Variants in ANGPT2 observed in about 807,000 individuals in gnomAD.
ANGPT2 encodes angiopoietin 2, also known as angiopoietin-2.
A neutral mutation model predicts 62.9 loss-of-function variants in ANGPT2; 28 were observed. The observed-to-expected ratio is 0.44, with a 90% CI of 0.33 to 0.61. The LOEUF is 0.61. Ranked by LOEUF, ANGPT2 falls within the 20% of genes least tolerant of loss-of-function variation. ANGPT2 has a pLI of 0.03. For synonymous variants in ANGPT2, 284 were observed against 207.8 expected (o/e 1.37, Z -3.15); for missense variants, 727 against 594.9 (o/e 1.22, Z -2.31).
intron 1 of ANGPT2, among the ~76,000 whole-genome samples, chr8:6,558,358 C>A (rs1824985977): frequency 6.6e-6 from 1 of 152,112 alleles, no homozygotes; most frequent in Non-Finnish European, 1.5e-5. Context: ...ACTTTCATAA[C>A]ATTTTTGTTT....
In ANGPT2 at chr8:6,562,685, C is replaced by G. The variant is rs1825742811; in HGVS notation, c.250G>C (p.Glu84Gln). 1.2e-6 allele frequency: 2 copies of G among 1,601,630 alleles called. No homozygotes were observed. The highest frequency in any genetic ancestry group is 1.1e-5 in the South Asian group (1 of 90,740). The change falls in exon 1 of 9, where the codon GAG (glutamate) becomes CAG (glutamine). Residue 84 changes from glutamate (E) to glutamine (Q), a missense_variant. Transcript: ENST00000629816. ...TGAGTGTTGTTTTCCATGATGTTCT[C>G]CAGCACTTGCAGCCTCTGCACCGAG... is the stretch of plus-strand genomic sequence containing the variant. ...DDSVQRLQVL[E>Q]NIMENNTQWL...
chr8:6,562,211 G>C (rs1825642526), intron 1 of ANGPT2, among the ~76,000 whole-genome samples: 1 of 152,140 alleles, frequency 6.6e-6, no homozygotes, highest in South Asian at 2.1e-4. Context: ...CATCAGCATG[G>C]TTGTCACGGT....
intron 2 of ANGPT2, among the ~76,000 whole-genome samples, chr8:6,531,480 C>T (rs1488915460): frequency 1.3e-5 from 2 of 151,932 alleles, no homozygotes; most frequent in East Asian, 1.9e-4. Flanking sequence ...TTAGTAGAGA[C>T]GGGTTTTCGC....
chr8:6,542,291 GGTGTGTGTGTGTGTGTGTGTATCTGT>G (rs1411046478), intron 1 of ANGPT2, among the ~76,000 whole-genome samples: 2 of 149,944 alleles, frequency 1.3e-5, no homozygotes, highest in Non-Finnish European at 3.0e-5. Flanking sequence ...GTGAGGTAGG[GGTGTGTGTGTGTGTGTGTGTATCTGT>G]GTGTGTGTGT....
At chr8:6,505,514 ATATATATTCTTTATATATGTATATAT>A (rs2129564473) in intron 8 of ANGPT2, among the ~76,000 whole-genome samples, 7 of 5,206 alleles carry the variant, frequency 1.3e-3, no homozygotes, top group Admixed American at 4.4e-3. Flanking sequence ...TATATATAGA[ATATATATTCTTTATATATGTATATAT>A]AGAATATATA....
intron 1 of ANGPT2, among the ~76,000 whole-genome samples, chr8:6,551,215 G>A (rs1252207269): frequency 1.3e-5 from 2 of 150,664 alleles, no homozygotes; most frequent in Admixed American, 6.6e-5. Context: ...AGCTGAGAGG[G>A]CTGCTTATTC....
chr8:6,514,552 C>T (rs1815857038), intron 6 of ANGPT2, 125 bp downstream of exon 6: 2 of 828,038 alleles, frequency 2.4e-6, no homozygotes, highest in African/African-American at 1.7e-5. Flanking sequence ...GACTGAAGCA[C>T]CAATTTTAAA....
intron 1 of ANGPT2, among the ~76,000 whole-genome samples, chr8:6,550,147 C>G (rs1823370243): frequency 6.6e-6 from 1 of 152,228 alleles, no homozygotes; most frequent in Non-Finnish European, 1.5e-5. Flanking sequence ...CCTCATGAAT[C>G]CCTTCCCCGC....
intron 3 of ANGPT2, among the ~76,000 whole-genome samples, chr8:6,524,196 T>A (rs1039462782): frequency 1.3e-5 from 2 of 152,182 alleles, no homozygotes; most frequent in Non-Finnish European, 2.9e-5. Flanking sequence ...GACCTCATAT[T>A]CCCTTTTTTG....
chr8:6,522,385 A>C (rs1440145098), intron 3 of ANGPT2, among the ~76,000 whole-genome samples: 1 of 151,614 alleles, frequency 6.6e-6, no homozygotes, highest in Non-Finnish European at 1.5e-5. Flanking sequence ...GTAAACGCTT[A>C]GACTAGCGCC....
intron 1 of ANGPT2, among the ~76,000 whole-genome samples, chr8:6,533,187 G>T (rs781039006): frequency 4.6e-5 from 7 of 152,188 alleles, no homozygotes; most frequent in Non-Finnish European, 8.8e-5. Context: ...CGTGCCATGG[G>T]CTGGTTCTTC....
chr8:6,526,363 G>C (rs1818338605), intron 3 of ANGPT2, among the ~76,000 whole-genome samples: 1 of 151,590 alleles, frequency 6.6e-6, no homozygotes, highest in Non-Finnish European at 1.5e-5. Context: ...GAGCCCAGGA[G>C]GTTGAGGATG....
Position 6,501,319 on chromosome 8 carries a change from CTG to C in ANGPT2, c.*1780_*1781del, listed in dbSNP as rs2129562877. On this transcript the variant is annotated 3_prime_UTR_variant, in exon 9 of 9. Transcript: ENST00000629816. ...ATAAAGAAAAAATAATGGTAGAACA[CTG>C]TAAGGTGAAGACAGACATATAGTAG... The C allele has an allele frequency of 6.6e-6, 1 of 152,270 alleles. No homozygotes were observed. Among genetic ancestry groups the C allele is most frequent in the East Asian group, 1.9e-4 (1 of 5,186 alleles). The allele number at this position is 152,270 out of a possible 1,614,324, so 9.4% of individuals were successfully genotyped here.
At chr8:6,558,725 C>A (rs1291858329) in intron 1 of ANGPT2, among the ~76,000 whole-genome samples, 2 of 152,134 alleles carry the variant, frequency 1.3e-5, no homozygotes, top group South Asian at 2.1e-4. Flanking sequence ...ACAATCATCT[C>A]CCCATAGTGT....
Position 6,527,899 on chromosome 8 carries a change from A to ATTTTTTTTTTTTTTTTTTTTTT in ANGPT2, c.445-224_445-223insAAAAAAAAAAAAAAAAAAAAAA, listed in dbSNP as rs71213313. Among the ~76,000 whole-genome samples the ATTTTTTTTTTTTTTTTTTTTTT allele has an allele frequency of 1.5e-5, 2 of 133,122 alleles. 1 individual carries two copies. The allele number at this position is 133,122 out of a possible 152,430, so 87.3% of individuals were successfully genotyped here. ...TTTTTACTCTTTTCCCCACGTCTCT[A>ATTTTTTTTTTTTTTTTTTTTTT]TTTTTTTTTTTTTTGAGATGGAATC... On this transcript the variant is annotated intron_variant, in intron 2 of 8. Coordinates refer to ENST00000629816, the MANE Select transcript of ANGPT2 (RefSeq NM_001118887.2).
intron 1 of ANGPT2, among the ~76,000 whole-genome samples, chr8:6,561,010 G>A (rs1180551440): frequency 6.6e-6 from 1 of 152,184 alleles, no homozygotes; most frequent in African/African-American, 2.4e-5. Context: ...CTGTAACCAC[G>A]GTGGATGTGG....
chr8:6,554,751 C>G (rs941141160), intron 1 of ANGPT2, among the ~76,000 whole-genome samples: 1 of 152,032 alleles, frequency 6.6e-6, no homozygotes, highest in Non-Finnish European at 1.5e-5. Context: ...GAGGAGCCCT[C>G]GGAGGGAGCG....
At position 6,519,897 on chromosome 8, in the gene ANGPT2, C is replaced by G. The variant is rs753656054; in HGVS notation, c.894G>C (p.Thr298=). ...KSGHTTNGIY[T]LTFPNSTEEI... is the part of the protein sequence containing the mutation. ...CTTCTGTAGAATTAGGGAATGTTAA[C>G]GTGTAGATGCCATTCGTGGTGTGTC... The change falls in exon 5 of 9, where the codon ACG becomes ACC. Residue 298 remains threonine (T), a synonymous_variant. Coordinates refer to ENST00000629816, the MANE Select transcript of ANGPT2 (RefSeq NM_001118887.2). 6.2e-7 allele frequency: 1 copy of G among 1,614,040 alleles called. No individual in the cohort carries two copies.
At chr8:6,542,733 G>A (rs146081907) in intron 1 of ANGPT2, among the ~76,000 whole-genome samples, 82 of 152,102 alleles carry the variant, frequency 5.4e-4, no homozygotes, top group African/African-American at 1.9e-3. Flanking sequence ...GTGTTACATG[G>A]GTTTGCCAAA....
Sources: allele counts gnomAD v4.1 joint callset (sites outside exome capture counted in the v4.1 genomes callset), GRCh38; gene constraint gnomAD v4.1.1; transcripts MANE v1.5; gene names NCBI Gene and HGNC (gene_info 2026-07-23, HGNC 2026-07-21).